The following NELL2 variants were observed in gnomAD, a reference collection of about 807,000 sequenced individuals.
NELL2 encodes the protein neural EGFL like 2.
NELL2 carries 41 observed loss-of-function variants against 109.6 expected under a neutral mutation model. The observed-to-expected ratio is 0.37, with a 90% CI of 0.29 to 0.49. NELL2 has a LOEUF of 0.49. NELL2 is among the 20% of genes least tolerant of loss of function. The pLI is 0.98. For synonymous variants in NELL2, 355 were observed against 344.7 expected, an observed-to-expected ratio of 1.03 and a Z score of -0.33; for missense variants, 900 against 1,008.3, an observed-to-expected ratio of 0.89 and a Z score of 1.45.
At chr12:44,763,579 AG>A (rs1467176205) in intron 9 of NELL2, among the ~76,000 whole-genome samples, 27 of 152,198 alleles carry the variant, frequency 1.8e-4, no homozygotes, top group Admixed American at 1.3e-4. Context: ...CTGGTTAAAA[AG>A]GCTTGAATAG....
At chr12:44,509,604 A>G (rs1443357853) in intron 19 of NELL2, among the ~76,000 whole-genome samples, 1 of 152,160 alleles carries the variant, frequency 6.6e-6, no homozygotes, top group Non-Finnish European at 1.5e-5. Context: ...ACAATGAGAA[A>G]TGGCCATCTG....
chr12:44,745,538 A>C (rs1390014183), intron 9 of NELL2, among the ~76,000 whole-genome samples: 1 of 152,218 alleles, frequency 6.6e-6, no homozygotes, highest in Non-Finnish European at 1.5e-5. Flanking sequence ...ACATGATTGT[A>C]TATCTAGAAA....
chr12:44,624,977 A>T (rs1946187137), intron 13 of NELL2, among the ~76,000 whole-genome samples: 1 of 131,298 alleles, frequency 7.6e-6, no homozygotes, highest in Non-Finnish European at 1.6e-5. Context: ...GAAGATGACA[A>T]ATATATATAT....
intron 3 of NELL2, among the ~76,000 whole-genome samples, chr12:44,812,657 T>C (rs531802865): frequency 1.3e-5 from 2 of 152,116 alleles, no homozygotes; most frequent in African/African-American, 2.4e-5. Flanking sequence ...TAAAGAAAGA[T>C]AGCTTCAGCA....
At chr12:44,661,022 T>A (rs977454524) in intron 13 of NELL2, among the ~76,000 whole-genome samples, 9 of 152,122 alleles carry the variant, frequency 5.9e-5, no homozygotes, top group African/African-American at 2.2e-4. Context: ...GTTAACTGAA[T>A]GCAGATGCCA....
chr12:44,819,763 G>A (rs2136694222), intron 2 of NELL2, among the ~76,000 whole-genome samples: 1 of 152,284 alleles, frequency 6.6e-6, no homozygotes, highest in South Asian at 2.1e-4. Context: ...GGGATGGGAT[G>A]GCTTGCAGGA....
At chr12:44,636,576 G>A (rs1289211625) in intron 13 of NELL2, among the ~76,000 whole-genome samples, 2 of 152,126 alleles carry the variant, frequency 1.3e-5, no homozygotes, top group South Asian at 2.1e-4. Flanking sequence ...TTTATGTGAT[G>A]GATGACATTT....
intron 19 of NELL2, among the ~76,000 whole-genome samples, chr12:44,515,244 A>C (rs1387055047): frequency 1.3e-5 from 2 of 151,898 alleles, no homozygotes; most frequent in African/African-American, 2.4e-5. Context: ...TTAAAAATGC[A>C]CTTTAAATAT....
At chr12:44,600,203 G>T (rs1945164205) in intron 15 of NELL2, among the ~76,000 whole-genome samples, 1 of 148,054 alleles carries the variant, frequency 6.8e-6, no homozygotes, top group African/African-American at 2.5e-5. Context: ...TAGAAATGGG[G>T]CTTCACCGTG....
At chr12:44,790,713 C>A (rs974733324) in intron 3 of NELL2, among the ~76,000 whole-genome samples, 1 of 151,696 alleles carries the variant, frequency 6.6e-6, no homozygotes, top group Non-Finnish European at 1.5e-5. Context: ...ATAAGAGATA[C>A]AGAACCGTAG....
rs183883774 is a variant in NELL2 at position 44,902,897 on chromosome 12, T to C, written c.38+10902A>G. 1.5e-3 allele frequency among the ~76,000 whole-genome samples: 235 copies of C among 152,230 alleles called. 1 individual carries two copies. Among genetic ancestry groups the C allele is most frequent in the African/African-American group, 5.5e-3 (230 of 41,536 alleles). Reference sequence around the variant, plus strand: ...CCCTTCCTTATACCTTATACAAAAATTAACTCTGGATGGATTAAAGATTTA... The same window carrying C: ...CCCTTCCTTATACCTTATACAAAAACTAACTCTGGATGGATTAAAGATTTA... On this transcript the variant is annotated intron_variant, in intron 1 of 20. Coordinates refer to the NELL2 transcript ENST00000333837.
At chr12:44,615,056 T>A (rs1410678815) in intron 13 of NELL2, among the ~76,000 whole-genome samples, 1 of 152,098 alleles carries the variant, frequency 6.6e-6, no homozygotes, top group South Asian at 2.1e-4. Flanking sequence ...TACAGTTTAG[T>A]TGAAGACATA....
intron 3 of NELL2, among the ~76,000 whole-genome samples, chr12:44,814,361 C>T (rs942391557): frequency 2.0e-5 from 3 of 152,168 alleles, no homozygotes; most frequent in Admixed American, 6.5e-5. Context: ...TAGAGGTAAT[C>T]AGAAATACAA....
chr12:44,790,975 C>T (rs762174841), intron 3 of NELL2, among the ~76,000 whole-genome samples: 5 of 145,876 alleles, frequency 3.4e-5, no homozygotes, highest in Non-Finnish European at 7.5e-5. Context: ...CAATCCTGAA[C>T]ATATATGCAC....
chr12:44,629,056 G>A (rs1200448261), intron 13 of NELL2, among the ~76,000 whole-genome samples: 2 of 152,156 alleles, frequency 1.3e-5, no homozygotes, highest in Admixed American at 6.5e-5. Context: ...ATTATGTAAA[G>A]TGTATCTAAA....
chr12:44,672,691 T>A (rs2136353151), intron 12 of NELL2, among the ~76,000 whole-genome samples: 1 of 152,326 alleles, frequency 6.6e-6, no homozygotes, highest in East Asian at 1.9e-4. Context: ...AAAGAGCCAG[T>A]GAATTAGAAT....
chr12:44,875,116 A>G, intron 2 of NELL2, 109 bp downstream of exon 2: 2 of 1,418,530 alleles, frequency 1.4e-6, no homozygotes, highest in Non-Finnish European at 1.9e-6. Context: ...CCTCAGCTAA[A>G]GTACTGTCAT....
At chr12:44,760,435 T>C (rs1158213196) in intron 9 of NELL2, among the ~76,000 whole-genome samples, 1 of 151,860 alleles carries the variant, frequency 6.6e-6, no homozygotes, top group African/African-American at 2.4e-5. Context: ...CAAGAGAAAA[T>C]TATCCAAAGA....
At chr12:44,881,849 A>G (rs1945415299) in intron 1 of NELL2, 1 of 152,036 alleles carries the variant, frequency 6.6e-6, no homozygotes, top group Non-Finnish European at 1.5e-5. Context: ...GCTGAAAACA[A>G]TAGAAAAATG....
Sources: allele counts gnomAD v4.1 joint callset (sites outside exome capture counted in the v4.1 genomes callset), GRCh38; gene constraint gnomAD v4.1.1; transcripts MANE v1.5; gene names NCBI Gene and HGNC (gene_info 2026-07-23, HGNC 2026-07-21).